Variants in RBM34 observed in about 807,000 individuals in gnomAD.
RBM34 encodes the protein RNA binding motif protein 34, also known as RNA-binding protein 34.
A neutral mutation model predicts 44.6 loss-of-function variants in RBM34; 39 were observed. The ratio of observed to expected loss-of-function variants is 0.87; its 90% CI spans 0.68 to 1.14. The LOEUF is 1.14. RBM34 is among the 50% of genes most tolerant of loss of function. The pLI is 0.00. For synonymous variants in RBM34, 194 were observed against 184.0 expected, an observed-to-expected ratio of 1.05 and a Z score of -0.44; for missense variants, 572 against 517.9, an observed-to-expected ratio of 1.10 and a Z score of -1.01.
At chr1:235,150,288 T>C (rs1200682465) in intron 5 of RBM34, among the ~76,000 whole-genome samples, 1 of 152,230 alleles carries the variant, frequency 6.6e-6, no homozygotes, top group Non-Finnish European at 1.5e-5. Context: ...TTGGCCAGGC[T>C]GGTCTCGAAC....
intron 6 of RBM34, among the ~76,000 whole-genome samples, chr1:235,139,479 C>A (rs1340157867): frequency 6.6e-6 from 1 of 152,060 alleles, no homozygotes; most frequent in South Asian, 2.1e-4. Flanking sequence ...TACGTGACTG[C>A]GATGAAATGG....
intron 3 of RBM34, among the ~76,000 whole-genome samples, chr1:235,155,850 T>TATATATATATAC (rs1662407304): frequency 1.0e-4 from 3 of 28,810 alleles, no homozygotes; most frequent in Non-Finnish European, 1.8e-4. Context: ...TATATATATA[T>TATATATATATAC]ATATATATAT....
intron 8 of RBM34, among the ~76,000 whole-genome samples, chr1:235,136,758 A>C (rs1661448861): frequency 6.6e-6 from 1 of 152,230 alleles, no homozygotes; most frequent in Non-Finnish European, 1.5e-5. Context: ...TCCTGAACAA[A>C]ATCCAGACTC....
chr1:235,147,168 C>A (rs967513678), intron 6 of RBM34, among the ~76,000 whole-genome samples: 5 of 152,128 alleles, frequency 3.3e-5, no homozygotes, highest in African/African-American at 4.8e-5. Context: ...AAGTTTAAGG[C>A]TACAGTGAGC....
chr1:235,158,576 A>G (rs541039082), intron 3 of RBM34, among the ~76,000 whole-genome samples: 1 of 152,298 alleles, frequency 6.6e-6, no homozygotes, highest in South Asian at 2.1e-4. Flanking sequence ...ACTCTGCTCT[A>G]AGAAAGAGGG....
At chr1:235,143,248 C>A (rs4659941) in intron 6 of RBM34, among the ~76,000 whole-genome samples, 1 of 152,144 alleles carries the variant, frequency 6.6e-6, no homozygotes, top group South Asian at 2.1e-4. Context: ...ACATTCTCAT[C>A]GATAGCTGGT....
In RBM34 at chr1:235,155,095, C is replaced by G. The variant is rs1278266934; in HGVS notation, c.383G>C (p.Ser128Thr). 1.2e-6 allele frequency: 2 copies of G among 1,612,372 alleles called. No homozygotes were observed. Among genetic ancestry groups the G allele is most frequent in the South Asian group, 1.1e-5 (1 of 90,740 alleles). The change falls in exon 4 of 11, where the codon AGT (serine) becomes ACT (threonine). Residue 128 changes from serine to threonine, a missense_variant. Coordinates refer to ENST00000408888, the MANE Select transcript of RBM34 (RefSeq NM_015014.4). ...GTGAATTTCTTCTTCTAAATCAGCA[C>G]TCGCTAGAGCGCTTTCCCTTTTTAA... Reference protein sequence around the residue: ...KLADRESALASADLEEEIHQK... With the variant: ...KLADRESALATADLEEEIHQK...
chr1:235,145,228 A>G (rs1661851801), intron 6 of RBM34, among the ~76,000 whole-genome samples: 1 of 152,184 alleles, frequency 6.6e-6, no homozygotes, highest in Non-Finnish European at 1.5e-5. Flanking sequence ...AGAGAAATTC[A>G]AATTAGAAAT....
chr1:235,138,002 C>G, intron 7 of RBM34, 62 bp from the exon 8 acceptor site: 2 of 1,537,716 alleles, frequency 1.3e-6, no homozygotes, highest in Non-Finnish European at 1.8e-6. Context: ...ACTAAAACAT[C>G]TATGCTAAAG....
chr1:235,160,348 G>A (rs1432152756), intron 3 of RBM34, 163 bp downstream of exon 3: 15 of 874,942 alleles, frequency 1.7e-5, no homozygotes, highest in Non-Finnish European at 2.8e-5. Context: ...TGAGTACACG[G>A]GGTTTCTTAG....
At chr1:235,146,610 T>A (rs1661918845) in intron 6 of RBM34, among the ~76,000 whole-genome samples, 1 of 152,150 alleles carries the variant, frequency 6.6e-6, no homozygotes, top group Admixed American at 6.6e-5. Flanking sequence ...AAAAGGTGTA[T>A]AATTAAATTT....
At chr1:235,141,564 G>A (rs1378422236) in intron 6 of RBM34, among the ~76,000 whole-genome samples, 1 of 152,142 alleles carries the variant, frequency 6.6e-6, no homozygotes, top group Non-Finnish European at 1.5e-5. Context: ...AGCCAGCAGT[G>A]GCAAGCCACT....
At chr1:235,137,060 C>T (rs1398950587) in intron 8 of RBM34, among the ~76,000 whole-genome samples, 2 of 152,058 alleles carry the variant, frequency 1.3e-5, no homozygotes, top group Non-Finnish European at 2.9e-5. Context: ...AAATTTATTC[C>T]CCTGGAAACT....
chr1:235,144,602 T>C (rs1053416200), intron 6 of RBM34, among the ~76,000 whole-genome samples: 1 of 151,170 alleles, frequency 6.6e-6, no homozygotes, highest in African/African-American at 2.4e-5. Flanking sequence ...GCCAACAAGC[T>C]AGGGTGTGGT....
At chr1:235,155,531 G>A (rs1422985735) in intron 3 of RBM34, among the ~76,000 whole-genome samples, 2 of 145,914 alleles carry the variant, frequency 1.4e-5, no homozygotes, top group Non-Finnish European at 3.0e-5. Context: ...TTGAGACGGA[G>A]TTTTGCTCTG....
intron 5 of RBM34, 56 bp downstream of exon 5, chr1:235,152,650 G>C: frequency 6.4e-7 from 1 of 1,574,348 alleles, no homozygotes; most frequent in Non-Finnish European, 8.6e-7. Flanking sequence ...AAGTTCATCT[G>C]ATTTAAATGC....
intron 10 of RBM34, 148 bp from the exon 11 acceptor site, chr1:235,132,145 G>A (rs999816652): frequency 3.6e-5 from 25 of 686,168 alleles, no homozygotes; most frequent in Non-Finnish European, 5.2e-5. Context: ...TGCTGCACTC[G>A]AAGTCTCCTC....
At chr1:235,145,166 T>G (rs1272977607) in intron 6 of RBM34, among the ~76,000 whole-genome samples, 1 of 151,804 alleles carries the variant, frequency 6.6e-6, no homozygotes, top group Non-Finnish European at 1.5e-5. Flanking sequence ...ATAATTCAAA[T>G]AAAAGAAAGC....
intron 6 of RBM34, among the ~76,000 whole-genome samples, chr1:235,138,808 T>G (rs1661548331): frequency 6.6e-6 from 1 of 152,188 alleles, no homozygotes; most frequent in African/African-American, 2.4e-5. Context: ...TTGAATCTTG[T>G]TTAATTTACA....
Sources: gnomAD v4.1 joint callset for allele counts (sites outside exome capture counted in the v4.1 genomes callset) on GRCh38, gnomAD v4.1.1 for gene constraint, MANE v1.5 for transcripts, NCBI Gene and HGNC (gene_info 2026-07-23, HGNC 2026-07-21) for gene names.